NAF1: variants seen among roughly 807,000 people sequenced by gnomAD.
NAF1 encodes nuclear assembly factor 1 ribonucleoprotein.
Under a neutral mutation model 40.6 loss-of-function variants are expected in NAF1, and 11 were observed. That is an observed-to-expected ratio of 0.27 (90% CI 0.17 to 0.45). The LOEUF (loss-of-function observed/expected upper bound fraction) is 0.45. NAF1 is among the 20% of genes least tolerant of loss of function. The probability of loss-of-function intolerance (pLI) is 1.00; values close to 1 mark genes in which losing one functional copy is unlikely to be tolerated. For synonymous variants in NAF1, 260 were observed against 228.5 expected (o/e 1.14, Z -1.24); for missense variants, 607 against 611.1 (o/e 0.99, Z 0.07).
chr4:163,129,746 A>G (rs1383650620), intron 7 of NAF1, among the ~76,000 whole-genome samples: 1 of 152,192 alleles, frequency 6.6e-6, no homozygotes, highest in East Asian at 1.9e-4. Flanking sequence ...GCCTCCCTGC[A>G]AACAATGAAC....
intron 2 of NAF1, among the ~76,000 whole-genome samples, chr4:163,118,768 AAAG>A (rs567450974): frequency 6.2e-4 from 94 of 152,322 alleles, no homozygotes; most frequent in African/African-American, 2.1e-3. Flanking sequence ...AAGAAAAAAA[AAAG>A]AAATAAAACT....
At chr4:163,121,057 A>G (rs1730505359) in intron 2 of NAF1, among the ~76,000 whole-genome samples, 1 of 151,690 alleles carries the variant, frequency 6.6e-6, no homozygotes, top group African/African-American at 2.4e-5. Flanking sequence ...ACACCCAGCT[A>G]ATTTTTGTGT....
In NAF1 at chr4:163,145,747, A is replaced by T. The variant is rs1459245973; in HGVS notation, c.717+35T>A. Reference sequence around the variant, plus strand: ...AGTCAGAAAAAAACAATAAATAAATAGAATAATTTGTAAGATTTGAAATGT... The same window carrying T: ...AGTCAGAAAAAAACAATAAATAAATTGAATAATTTGTAAGATTTGAAATGT... On this transcript the variant is annotated intron_variant, in intron 4 of 7. Transcript: ENST00000274054. The T allele has an allele frequency of 1.4e-5, 19 of 1,321,688 alleles. No individual in the cohort carries two copies. The Admixed American group carries it at 3.8e-4, about 27-fold the overall frequency. 81.9% of individuals were successfully genotyped at this position (1,321,688 alleles called of 1,614,324 possible).
intron 5 of NAF1, among the ~76,000 whole-genome samples, chr4:163,137,953 A>G (rs756037233): frequency 6.6e-6 from 1 of 152,172 alleles, no homozygotes; most frequent in Non-Finnish European, 1.5e-5. Context: ...AAAAGTACAG[A>G]TATCTATTAT....
At position 163,166,237 on chromosome 4, in the gene NAF1, G is replaced by A. The variant is rs1044990651; in HGVS notation, c.365+126C>T. ...AGCCAATACTTCAACACGTGAGCCC[G>A]GAGCACCAACGACCTGCCCACCCTC... On this transcript the variant is annotated intron_variant, in intron 1 of 7. Transcript: ENST00000274054. 7.4e-6 allele frequency: 9 copies of A among 1,213,456 alleles called. No homozygotes were observed. In the African/African-American group the frequency reaches 1.1e-4, roughly 15 times the overall value. The allele number at this position is 1,213,456 out of a possible 1,614,324, so 75.2% of individuals were successfully genotyped here.
intron 2 of NAF1, among the ~76,000 whole-genome samples, chr4:163,115,574 C>A (rs6825992): frequency 0.26 from 39,856 of 151,960 alleles, 5,625 homozygotes; most frequent in African/African-American, 0.37. Flanking sequence ...CAATCTGATA[C>A]ACTCAAAATA....
At chr4:163,111,015 C>G (rs1475011054) in intron 2 of NAF1, among the ~76,000 whole-genome samples, 2 of 152,086 alleles carry the variant, frequency 1.3e-5, no homozygotes, top group South Asian at 2.1e-4. Flanking sequence ...CCAAAAATTG[C>G]TTTTTGAAGG....
At chr4:163,103,956 CA>C in the NAF1 span, among the ~76,000 whole-genome samples, 14 of 152,042 alleles carry the variant, frequency 9.2e-5, no homozygotes, top group African/African-American at 3.4e-4. Context: ...TTTATTTCAC[CA>C]GGGTGCAGGC....
At chr4:163,118,025 C>T (rs1350788277) in intron 2 of NAF1, among the ~76,000 whole-genome samples, 1 of 152,048 alleles carries the variant, frequency 6.6e-6, no homozygotes, top group East Asian at 1.9e-4. Flanking sequence ...AATTCATGTT[C>T]CATTTATCTT....
At chr4:163,136,867 T>G (rs1731077808) in intron 6 of NAF1, among the ~76,000 whole-genome samples, 1 of 152,184 alleles carries the variant, frequency 6.6e-6, no homozygotes, top group Admixed American at 6.5e-5. Context: ...TCAATTAAAT[T>G]TTTAAAAAAT....
In NAF1 at chr4:163,148,335, AC is replaced by A. The variant is rs1419648462; in HGVS notation, c.634+5del. 6.6e-7 allele frequency: 1 copy of A among 1,506,490 alleles called. No individual in the cohort carries two copies. Among genetic ancestry groups the A allele is most frequent in the Non-Finnish European group, 8.9e-7 (1 of 1,122,004 alleles). The allele number at this position is 1,506,490 out of a possible 1,614,324, so 93.3% of individuals were successfully genotyped here. Reference sequence around the variant, plus strand: ...ACAATTTTTATTAATAGAATTCTTAACATACCTAGTTGTTCAATAATACTTG... The same window carrying A: ...ACAATTTTTATTAATAGAATTCTTAAATACCTAGTTGTTCAATAATACTTG... On this transcript the variant is annotated splice_donor_5th_base_variant and intron_variant, in intron 3 of 7. Transcript: ENST00000274054.
Position 163,164,213 on chromosome 4 carries a change from T to C in NAF1, c.540+4A>G. 1 of 1,526,326 alleles carries C rather than the reference T, an allele frequency of 6.6e-7. No individual in the cohort carries two copies. The highest frequency in any genetic ancestry group is 2.2e-5 in the Admixed American group (1 of 45,586). 94.5% of individuals were successfully genotyped at this position (1,526,326 alleles called of 1,614,324 possible). On this transcript the variant is annotated splice_donor_region_variant and intron_variant, in intron 2 of 7. Transcript: ENST00000274054. ...AACTAAGCTTAATAAATCTAAGTACTTACATTAAGAAGTAATTCATCTTTT... is the reference window on the plus strand; with the variant it reads ...AACTAAGCTTAATAAATCTAAGTACCTACATTAAGAAGTAATTCATCTTTT...
chr4:163,116,171 AAAC>A (rs1443690949), intron 2 of NAF1, among the ~76,000 whole-genome samples: 1 of 152,206 alleles, frequency 6.6e-6, no homozygotes, highest in Non-Finnish European at 1.5e-5. Context: ...TAATGCTAAT[AAAC>A]AACAATCCAG....
chr4:163,108,938 T>A (rs1265784769), downstream of NAF1: 1 of 152,174 alleles, frequency 6.6e-6, no homozygotes, highest in African/African-American at 2.4e-5. Flanking sequence ...GGGCTTAGTG[T>A]CTTTTCCCTT....
chr4:163,120,148 G>C (rs1158765891), intron 2 of NAF1, among the ~76,000 whole-genome samples: 5 of 152,180 alleles, frequency 3.3e-5, no homozygotes, highest in Non-Finnish European at 7.4e-5. Context: ...TTGGGGGAGA[G>C]TGCAAATGTT....
chr4:163,142,591 A>G, intron 4 of NAF1, among the ~76,000 whole-genome samples: 1 of 152,238 alleles, frequency 6.6e-6, no homozygotes, highest in East Asian at 1.9e-4. Context: ...AGCCACAACT[A>G]TAATGAAATC....
At chr4:163,125,121 C>G (rs1482948524), downstream of NAF1, among the ~76,000 whole-genome samples, 1 of 152,166 alleles carries the variant, frequency 6.6e-6, no homozygotes, top group Non-Finnish European at 1.5e-5. Flanking sequence ...CACACATCTG[C>G]TGTTTCCTTT....
At chr4:163,126,952 T>C (rs747391686), downstream of NAF1, 94 of 1,542,118 alleles carry the variant, frequency 6.1e-5, no homozygotes, top group Non-Finnish European at 5.9e-5. Context: ...AATTGAGATA[T>C]GCACATTGGT....
In NAF1 at chr4:163,136,512, C is replaced by CA. The variant is rs78526517; in HGVS notation, c.930+686dup. ...AATGAATATATTCATTGTTGTAATTCAAAAAAAAAACCCCTCAAGATAATC... is the reference window on the plus strand; with the variant it reads ...AATGAATATATTCATTGTTGTAATTCAAAAAAAAAAACCCCTCAAGATAATC... On this transcript the variant is annotated intron_variant, in intron 6 of 7. Transcript: ENST00000274054. Among the ~76,000 whole-genome samples, 789 of 145,268 alleles carry CA rather than the reference C, an allele frequency of 5.4e-3. 21 individuals carry two copies. The highest frequency in any genetic ancestry group is 0.052 in the East Asian group (262 of 5,022).
Sources: gnomAD v4.1 joint callset for allele counts (sites outside exome capture counted in the v4.1 genomes callset) on GRCh38, gnomAD v4.1.1 for gene constraint, MANE v1.5 for transcripts, NCBI Gene and HGNC (gene_info 2026-07-23, HGNC 2026-07-21) for gene names.